Variants in ESRRG observed in about 807,000 individuals in gnomAD.
ESRRG encodes the protein estrogen related receptor gamma, also known as estrogen-related receptor gamma.
A neutral mutation model predicts 44.0 loss-of-function variants in ESRRG; 13 were observed. The observed-to-expected ratio is 0.30, with a 90% CI of 0.19 to 0.47. ESRRG has a LOEUF of 0.47. Ranked by LOEUF, ESRRG falls within the 20% of genes least tolerant of loss-of-function variation. The pLI, the probability that ESRRG is intolerant of heterozygous loss-of-function variation, is 1.00. For missense variants in ESRRG, 395 were observed against 580.6 expected (o/e 0.68, Z 3.29); for synonymous variants, 215 against 214.6 (o/e 1.00, Z -0.02).
At chr1:216,991,065 T>C (rs1019435872) in intron 1 of ESRRG, among the ~76,000 whole-genome samples, 9 of 151,958 alleles carry the variant, frequency 5.9e-5, no homozygotes, top group Admixed American at 5.9e-4. Flanking sequence ...GCAGTGGCAT[T>C]AGATTCTCAT....
intron 2 of ESRRG, among the ~76,000 whole-genome samples, chr1:216,669,731 C>CA (rs1559127573): frequency 6.6e-6 from 1 of 152,038 alleles, no homozygotes; most frequent in East Asian, 1.9e-4. Context: ...ACTAAAAATA[C>CA]AAAAATTAGC....
Position 216,864,968 on chromosome 1 carries a change from C to T in ESRRG, c.-14+74614G>A, listed in dbSNP as rs532832463. 7.9e-5 allele frequency: 12 copies of T among 152,126 alleles called. 1 individual carries two copies. The South Asian group carries it at 2.5e-3, about 32-fold the overall frequency. The allele number at this position is 152,126 out of a possible 1,614,324, so 9.4% of individuals were successfully genotyped here. ...CACACCAAAAGGGCGTGATGATTCCCAGCCTTCAGCACAACAGGAATTGAC... is the reference window on the plus strand; with the variant it reads ...CACACCAAAAGGGCGTGATGATTCCTAGCCTTCAGCACAACAGGAATTGAC... On this transcript the variant is annotated intron_variant, in intron 2 of 7. Transcript: ENST00000359162.
intron 5 of ESRRG, among the ~76,000 whole-genome samples, chr1:216,551,210 T>C (rs1046944203): frequency 6.6e-6 from 1 of 152,200 alleles, no homozygotes; most frequent in Non-Finnish European, 1.5e-5. Flanking sequence ...CTCCCAAGAA[T>C]AGCAGTGTTA....
At chr1:217,022,441 T>C (rs1037609470) in intron 1 of ESRRG, among the ~76,000 whole-genome samples, 2 of 152,220 alleles carry the variant, frequency 1.3e-5, no homozygotes, top group Non-Finnish European at 2.9e-5. Context: ...GATTCCCATA[T>C]GCAAACGGCA....
intron 2 of ESRRG, among the ~76,000 whole-genome samples, chr1:216,766,664 C>A (rs2093093891): frequency 6.6e-6 from 1 of 152,030 alleles, no homozygotes; most frequent in Non-Finnish European, 1.5e-5. Flanking sequence ...GTGATGGCAA[C>A]AAATGCTTCA....
intron 2 of ESRRG, among the ~76,000 whole-genome samples, chr1:216,831,290 C>T (rs1349033548): frequency 6.6e-6 from 1 of 152,166 alleles, no homozygotes; most frequent in Non-Finnish European, 1.5e-5. Context: ...TCTTAAACTT[C>T]ATCACCTTAT....
chr1:216,970,111 C>T (rs1171271657), intron 1 of ESRRG, among the ~76,000 whole-genome samples: 1 of 152,066 alleles, frequency 6.6e-6, no homozygotes, highest in Non-Finnish European at 1.5e-5. Context: ...AGCTTTTCAC[C>T]AGAGTCAAGT....
chr1:216,703,411 A>G (rs1007624187), intron 1 of ESRRG, among the ~76,000 whole-genome samples: 1 of 152,218 alleles, frequency 6.6e-6, no homozygotes, highest in Non-Finnish European at 1.5e-5. Flanking sequence ...AAAGCTTGAT[A>G]AAGGTTACCT....
chr1:217,002,897 G>C (rs905839554), intron 1 of ESRRG, among the ~76,000 whole-genome samples: 5 of 152,110 alleles, frequency 3.3e-5, no homozygotes, highest in African/African-American at 1.2e-4. Flanking sequence ...CCATGAGCCA[G>C]AATTGCCCAA....
At chr1:216,912,217 AGAGGAGAGG>A (rs2060524103) in intron 2 of ESRRG, among the ~76,000 whole-genome samples, 2 of 26,630 alleles carry the variant, frequency 7.5e-5, no homozygotes, top group Admixed American at 4.5e-4. Flanking sequence ...AGAGGAGAGG[AGAGGAGAGG>A]AGAGGAGAGG....
At chr1:217,061,044 G>C (rs1007286178) in intron 1 of ESRRG, among the ~76,000 whole-genome samples, 1 of 151,648 alleles carries the variant, frequency 6.6e-6, no homozygotes, top group Non-Finnish European at 1.5e-5. Flanking sequence ...AATCATAAGG[G>C]ATCTTATGGA....
At chr1:216,667,947 A>C (rs1466419205) in intron 2 of ESRRG, among the ~76,000 whole-genome samples, 1 of 151,544 alleles carries the variant, frequency 6.6e-6, no homozygotes, top group Non-Finnish European at 1.5e-5. Context: ...AAATACAAAA[A>C]TTAGCCAGGT....
At chr1:216,543,922 G>A (rs2053670545) in intron 5 of ESRRG, among the ~76,000 whole-genome samples, 1 of 152,002 alleles carries the variant, frequency 6.6e-6, no homozygotes, top group African/African-American at 2.4e-5. Flanking sequence ...ATATTGAATA[G>A]AAACTTTTGA....
At chr1:216,529,534 A>G (rs985834619) in intron 5 of ESRRG, among the ~76,000 whole-genome samples, 14 of 152,204 alleles carry the variant, frequency 9.2e-5, no homozygotes, top group African/African-American at 3.1e-4. Context: ...CTTCAAAAAG[A>G]GATAGGCATG....
intron 1 of ESRRG, among the ~76,000 whole-genome samples, chr1:216,696,241 C>T (rs1271708938): frequency 6.6e-6 from 1 of 152,116 alleles, no homozygotes; most frequent in Middle Eastern, 3.2e-3. Context: ...GAACCAGAAA[C>T]AAACTTAAAT....
chr1:217,110,688 AACTC>A (rs2092651578), intron 1 of ESRRG, among the ~76,000 whole-genome samples: 1 of 152,118 alleles, frequency 6.6e-6, no homozygotes, highest in Non-Finnish European at 1.5e-5. Context: ...ATCTCACGAG[AACTC>A]ACTCACTATC....
intron 1 of ESRRG, among the ~76,000 whole-genome samples, chr1:216,691,302 G>A (rs540772248): frequency 4.1e-4 from 63 of 152,220 alleles, no homozygotes; most frequent in Non-Finnish European, 7.1e-4. Context: ...AAAGTAGAAC[G>A]TATTAGGGAG....
intron 1 of ESRRG, among the ~76,000 whole-genome samples, chr1:217,113,333 T>C (rs2092680745): frequency 1.3e-5 from 2 of 152,320 alleles, no homozygotes; most frequent in Admixed American, 6.5e-5. Flanking sequence ...TCAGAATTGC[T>C]GTGGATCAGT....
intron 1 of ESRRG, among the ~76,000 whole-genome samples, chr1:217,102,233 C>A (rs11808388): frequency 6.6e-6 from 1 of 152,044 alleles, no homozygotes. Context: ...TCTGTAAAAA[C>A]GGAGGCACAA....
Sources: gnomAD v4.1 joint callset for allele counts (sites outside exome capture counted in the v4.1 genomes callset) on GRCh38, gnomAD v4.1.1 for gene constraint, MANE v1.5 for transcripts, NCBI Gene and HGNC (gene_info 2026-07-23, HGNC 2026-07-21) for gene names.